The following FGF12 variants were observed in gnomAD, a reference collection of about 807,000 sequenced individuals.
FGF12 encodes fibroblast growth factor 12B.
FGF12 carries 14 observed loss-of-function variants against 23.6 expected under a neutral mutation model. The ratio of observed to expected loss-of-function variants is 0.59; its 90% CI spans 0.39 to 0.93. The LOEUF (loss-of-function observed/expected upper bound fraction) is 0.93. Among genes scored for constraint, FGF12 ranks in the 40% least tolerant of loss-of-function variants. The pLI is 0.00. For missense variants in FGF12, 175 were observed against 217.8 expected (o/e 0.80, Z 1.24); for synonymous variants, 62 against 77.3 (o/e 0.80, Z 1.04).
At position 192,367,651 on chromosome 3, in the gene FGF12, G is replaced by T. The variant is rs543708345; in HGVS notation, c.14-7113C>A. ...AACTCTACTGATCTATGGGGATTCA[G>T]TAAAAATATATGCTATTTAGTAAAG... On this transcript the variant is annotated intron_variant, in intron 2 of 5. Coordinates refer to ENST00000445105, the MANE Select transcript of FGF12 (RefSeq NM_004113.6). Among the ~76,000 whole-genome samples the T allele has an allele frequency of 1.2e-3, 183 of 152,314 alleles. 1 individual carries two copies. In the Middle Eastern group the frequency reaches 0.017, roughly 14 times the overall value.
intron 2 of FGF12, among the ~76,000 whole-genome samples, chr3:192,390,555 C>A (rs1369743352): frequency 6.6e-6 from 1 of 152,154 alleles, no homozygotes; most frequent in African/African-American, 2.4e-5. Context: ...CAGGTTGGAA[C>A]AACAAGCCCC....
At chr3:192,696,852 C>T (rs953767440) in intron 2 of FGF12, among the ~76,000 whole-genome samples, 1 of 151,672 alleles carries the variant, frequency 6.6e-6, no homozygotes, top group African/African-American at 2.4e-5. Context: ...CAAGGCCACA[C>T]TAGATTGAAG....
chr3:192,215,626 C>A (rs1337974225), intron 4 of FGF12, among the ~76,000 whole-genome samples: 1 of 152,190 alleles, frequency 6.6e-6, no homozygotes, highest in East Asian at 1.9e-4. Flanking sequence ...TACCTATTAT[C>A]TCCTAGCAGG....
rs1413501429 is a variant in FGF12, at chr3:192,598,029, A to C, written c.13+129152T>G. ...AGTCAACACTTTGTTCCCTATTGTA[A>C]GAACACAGCAGCCTCAAGATGTGCT... On this transcript the variant is annotated intron_variant, in intron 2 of 5. Transcript: ENST00000445105. Among the ~76,000 whole-genome samples the C allele has an allele frequency of 2.6e-5, 4 of 152,330 alleles. No homozygotes were observed. The East Asian group carries it at 7.7e-4, about 29-fold the overall frequency.
At chr3:192,721,416 T>G (rs1393481702) in intron 2 of FGF12, among the ~76,000 whole-genome samples, 1 of 151,982 alleles carries the variant, frequency 6.6e-6, no homozygotes, top group East Asian at 1.9e-4. Context: ...TTGTTATCTA[T>G]AAAATAAAGT....
At chr3:192,623,296 A>G (rs921973952) in intron 2 of FGF12, among the ~76,000 whole-genome samples, 3 of 152,192 alleles carry the variant, frequency 2.0e-5, no homozygotes, top group Non-Finnish European at 2.9e-5. Flanking sequence ...GTAAAAATTT[A>G]AGCAAGCCAA....
At chr3:192,629,694 A>G (rs1420012788) in intron 2 of FGF12, among the ~76,000 whole-genome samples, 1 of 152,216 alleles carries the variant, frequency 6.6e-6, no homozygotes, top group African/African-American at 2.4e-5. Context: ...AATACAAAAA[A>G]GTACAAAGGC....
At chr3:192,219,385 A>T (rs1560197088) in intron 4 of FGF12, among the ~76,000 whole-genome samples, 1 of 151,346 alleles carries the variant, frequency 6.6e-6, no homozygotes, top group Non-Finnish European at 1.5e-5. Flanking sequence ...GCGCCAGGTC[A>T]TTTTAATTTT....
chr3:192,429,802 T>C (rs1472093092), intron 2 of FGF12, among the ~76,000 whole-genome samples: 2 of 147,948 alleles, frequency 1.4e-5, no homozygotes, highest in Non-Finnish European at 3.0e-5. Flanking sequence ...GGAAAAAAAA[T>C]GCAGCTGGTG....
chr3:192,240,677 A>G (rs1719571176), intron 4 of FGF12, among the ~76,000 whole-genome samples: 1 of 152,148 alleles, frequency 6.6e-6, no homozygotes, highest in Admixed American at 6.5e-5. Context: ...TCATGCTCTA[A>G]TTATTTAAGA....
chr3:192,202,223 GAAAC>G lies in FGF12; in HGVS notation c.229-31571_229-31568del, dbSNP rs945845051. On this transcript the variant is annotated intron_variant, in intron 4 of 5. Transcript: ENST00000445105. ...ATGCAAGATGAAGGAAACAGCAAAAGAAACAGACAGATTGAGGAAGTGGCACAGT... is the reference window on the plus strand; with the variant it reads ...ATGCAAGATGAAGGAAACAGCAAAAGAGACAGATTGAGGAAGTGGCACAGT... Among the ~76,000 whole-genome samples, 15 of 152,282 alleles carry G rather than the reference GAAAC, an allele frequency of 9.9e-5. No homozygotes were observed. In the Middle Eastern group the frequency reaches 0.01, roughly 104 times the overall value.
chr3:192,260,983 A>T (rs904989626), intron 4 of FGF12, among the ~76,000 whole-genome samples: 1 of 152,082 alleles, frequency 6.6e-6, no homozygotes, highest in Non-Finnish European at 1.5e-5. Flanking sequence ...GATGTAGGCC[A>T]AGACAGATGG....
chr3:192,611,741 C>T (rs1044090770), intron 2 of FGF12, among the ~76,000 whole-genome samples: 1 of 152,010 alleles, frequency 6.6e-6, no homozygotes, highest in Admixed American at 6.6e-5. Flanking sequence ...GAAGGAGCAA[C>T]AGATATAAGT....
Position 192,142,472 on chromosome 3 carries a change from C to T in FGF12, c.*1537G>A, listed in dbSNP as rs1713451715. The T allele has an allele frequency of 9.4e-6, 1 of 106,420 alleles. No homozygotes were observed. The highest frequency in any genetic ancestry group is 2.4e-5 in the Non-Finnish European group (1 of 41,344). The allele number at this position is 106,420 out of a possible 1,614,324, so 6.6% of individuals were successfully genotyped here. ...TTGATAATATCCATAAATCTGCATA[C>T]ATTTTTTAACATTCTGTTTTGTGTT... is the stretch of plus-strand genomic sequence containing the variant. On this transcript the variant is annotated 3_prime_UTR_variant, in exon 6 of 6. Coordinates refer to ENST00000445105, the MANE Select transcript of FGF12 (RefSeq NM_004113.6).
intron 5 of FGF12, among the ~76,000 whole-genome samples, chr3:192,163,781 A>G (rs947655131): frequency 2.0e-5 from 3 of 151,832 alleles, no homozygotes; most frequent in African/African-American, 7.3e-5. Flanking sequence ...TAAAGCACCA[A>G]TTCTAACAAA....
Position 192,530,384 on chromosome 3 carries a change from C to T in FGF12, c.14-169846G>A, listed in dbSNP as rs528310195. ...TATCTTAATATGGTGCCTGCCAGATCGTAGGTCCTTAAAAATTGTGGTAAT... is the reference window on the plus strand; with the variant it reads ...TATCTTAATATGGTGCCTGCCAGATTGTAGGTCCTTAAAAATTGTGGTAAT... On this transcript the variant is annotated intron_variant, in intron 2 of 5. Coordinates refer to ENST00000445105, the MANE Select transcript of FGF12 (RefSeq NM_004113.6). 6.0e-4 allele frequency among the ~76,000 whole-genome samples: 92 copies of T among 152,220 alleles called. No individual in the cohort carries two copies. The South Asian group carries it at 0.018, about 30-fold the overall frequency.
chr3:192,191,080 A>G (rs1244248726), intron 4 of FGF12, among the ~76,000 whole-genome samples: 7 of 152,188 alleles, frequency 4.6e-5, no homozygotes, highest in Non-Finnish European at 8.8e-5. Flanking sequence ...TTTTTCTTGA[A>G]GGTACATCTT....
At chr3:192,379,519 G>A (rs778589001) in intron 2 of FGF12, among the ~76,000 whole-genome samples, 1 of 151,698 alleles carries the variant, frequency 6.6e-6, no homozygotes, top group Non-Finnish European at 1.5e-5. Flanking sequence ...AGACATGAGG[G>A]ACACTAAAAG....
chr3:192,183,977 C>T (rs1444700368), intron 4 of FGF12, among the ~76,000 whole-genome samples: 1 of 152,096 alleles, frequency 6.6e-6, no homozygotes, highest in Non-Finnish European at 1.5e-5. Flanking sequence ...AATGCCAGCA[C>T]TTTGCGAGGT....
Sources: allele counts gnomAD v4.1 joint callset (sites outside exome capture counted in the v4.1 genomes callset), GRCh38; gene constraint gnomAD v4.1.1; transcripts MANE v1.5; gene names NCBI Gene and HGNC (gene_info 2026-07-23, HGNC 2026-07-21).